Variants in PIP4K2C observed in about 807,000 individuals in gnomAD.
PIP4K2C encodes the protein phosphatidylinositol-5-phosphate 4-kinase type 2 gamma.
In PIP4K2C, 21 loss-of-function variants were observed where a neutral mutation model predicts 45.0. That is an observed-to-expected ratio of 0.47 (90% CI 0.33 to 0.67). The LOEUF is 0.67. Ranked by LOEUF, PIP4K2C falls within the 30% of genes least tolerant of loss-of-function variation. The probability of loss-of-function intolerance (pLI) is 0.02; values close to 1 mark genes in which losing one functional copy is unlikely to be tolerated. For synonymous variants in PIP4K2C, 201 were observed against 204.8 expected (o/e 0.98, Z 0.16); for missense variants, 456 against 542.8 (o/e 0.84, Z 1.59).
At chr12:57,597,126 T>C (rs1213138834) in intron 4 of PIP4K2C, among the ~76,000 whole-genome samples, 1 of 152,180 alleles carries the variant, frequency 6.6e-6, no homozygotes, top group Non-Finnish European at 1.5e-5. Context: ...GTTTGGACTT[T>C]ATCCTGAAGG....
rs772263787 is a variant in PIP4K2C at position 57,601,485 on chromosome 12, CT to C, written c.1186-40del. On this transcript the variant is annotated intron_variant, in intron 9 of 9. Coordinates refer to ENST00000354947, the MANE Select transcript of PIP4K2C (RefSeq NM_024779.5). Reference sequence around the variant, plus strand: ...TGGGTGGGGGTGATGGGGACGGGTGCTAGGGTGGCCTGACATATTGTTCCGT... The same window carrying C: ...TGGGTGGGGGTGATGGGGACGGGTGCAGGGTGGCCTGACATATTGTTCCGT... The C allele has an allele frequency of 7.6e-6, 12 of 1,574,586 alleles. No individual in the cohort carries two copies. The South Asian group carries it at 1.3e-4, about 17-fold the overall frequency.
Position 57,593,719 on chromosome 12 carries a change from C to G in PIP4K2C, c.175-306C>G, listed in dbSNP as rs974835312. Among the ~76,000 whole-genome samples the G allele has an allele frequency of 3.1e-5, 3 of 98,134 alleles. No individual in the cohort carries two copies. The Admixed American group carries it at 4.3e-4, about 14-fold the overall frequency. 64.4% of individuals were successfully genotyped at this position (98,134 alleles called of 152,430 possible). A position where few individuals can be genotyped will look rare whatever the true frequency, so the allele number is the denominator to read the frequency against. ...TTTTTTTTTTTTTTCTAGAATTTCT[C>G]ACAGCTTTAAAAATAGTCCTGAGTT... On this transcript the variant is annotated intron_variant, in intron 1 of 9. Transcript: ENST00000354947.
chr12:57,591,227 C>G lies in PIP4K2C; in HGVS notation c.-63C>G. On this transcript the variant is annotated 5_prime_UTR_variant, in exon 1 of 10. Transcript: ENST00000354947. ...CAGCAGCGCAGGTGAGCGCCGCTTC[C>G]GGGGTCGGGCGCCTGGATAGCTGCC... 1.3e-6 allele frequency: 2 copies of G among 1,529,216 alleles called. No homozygotes were observed. The highest frequency in any genetic ancestry group is 1.8e-6 in the Non-Finnish European group (2 of 1,129,572). The allele number at this position is 1,529,216 out of a possible 1,614,324, so 94.7% of individuals were successfully genotyped here.
rs1565714467 is a variant in PIP4K2C, at chr12:57,599,136, CGAA to C, written c.588_590del (p.Glu196del). ...GGATGTACCGAGTCAGTGTGGACAA[CGAA>C]GACAGCTACATGCTTGTGATGCGCA... is the stretch of plus-strand genomic sequence containing the variant. On this transcript the variant is annotated inframe_deletion, in exon 5 of 10. Transcript: ENST00000354947. 2 of 1,614,144 alleles carry C rather than the reference CGAA, an allele frequency of 1.2e-6. No individual in the cohort carries two copies. Among genetic ancestry groups the C allele is most frequent in the Non-Finnish European group, 1.7e-6 (2 of 1,180,004 alleles).
chr12:57,594,154 A>G, intron 2 of PIP4K2C, 32 bp downstream of exon 2: 8 of 1,534,764 alleles, frequency 5.2e-6, no homozygotes, highest in South Asian at 1.2e-5. Flanking sequence ...TCTCATGTCA[A>G]CCTTCCCAGA....
intron 1 of PIP4K2C, among the ~76,000 whole-genome samples, chr12:57,593,144 C>T (rs1054351557): frequency 6.6e-6 from 1 of 151,996 alleles, no homozygotes; most frequent in Non-Finnish European, 1.5e-5. Context: ...AGAATGAGCC[C>T]TTGTTCTTGA....
At chr12:57,599,296 C>G (rs1350333664) in intron 5 of PIP4K2C, 85 bp downstream of exon 5, 2 of 1,606,102 alleles carry the variant, frequency 1.2e-6, no homozygotes, top group Non-Finnish European at 1.7e-6. Context: ...TGGATGATTC[C>G]TTTTAAGGGA....
chr12:57,601,211 T>G, intron 8 of PIP4K2C, 34 bp from the exon 9 acceptor site: 1 of 1,599,704 alleles, frequency 6.3e-7, no homozygotes, highest in African/African-American at 1.3e-5. Context: ...GAATTGGAAC[T>G]AAACCTACTC....
In PIP4K2C at chr12:57,591,201, A is replaced by G. The variant is rs1414932282; in HGVS notation, c.-89A>G. 5 of 1,342,770 alleles carry G rather than the reference A, an allele frequency of 3.7e-6. No individual in the cohort carries two copies. Among genetic ancestry groups the G allele is most frequent in the Admixed American group, 2.2e-5 (1 of 46,254 alleles). The allele number at this position is 1,342,770 out of a possible 1,614,324, so 83.2% of individuals were successfully genotyped here. Reference sequence around the variant, plus strand: ...CCGCTGTCCGGCCTCCGGTCACGTGACAGCAGCGCAGGTGAGCGCCGCTTC... The same window carrying G: ...CCGCTGTCCGGCCTCCGGTCACGTGGCAGCAGCGCAGGTGAGCGCCGCTTC... On this transcript the variant is annotated 5_prime_UTR_variant, in exon 1 of 10. Coordinates refer to ENST00000354947, the MANE Select transcript of PIP4K2C (RefSeq NM_024779.5).
At position 57,601,815 on chromosome 12, in the gene PIP4K2C, T is replaced by A. The variant is rs1883454783; in HGVS notation, c.*209T>A. On this transcript the variant is annotated 3_prime_UTR_variant, in exon 10 of 10. Coordinates refer to ENST00000354947, the MANE Select transcript of PIP4K2C (RefSeq NM_024779.5). ...CTTTTTCCTCTTTGCCCATTTTTCT[T>A]CCCTCTCTTCCTCCCCATGAGAAGT... The A allele has an allele frequency of 1.7e-6, 1 of 580,630 alleles. No homozygotes were observed. Among genetic ancestry groups the A allele is most frequent in the Non-Finnish European group, 3.1e-6 (1 of 324,902 alleles). The allele number at this position is 580,630 out of a possible 1,614,324, so 36.0% of individuals were successfully genotyped here. A position where few individuals can be genotyped will look rare whatever the true frequency, so the allele number is the denominator to read the frequency against.
rs757397412 is a variant in PIP4K2C at position 57,595,187 on chromosome 12, C to T, written c.334C>T (p.Arg112Cys). 1.6e-5 allele frequency: 26 copies of T among 1,611,982 alleles called. No individual in the cohort carries two copies. Among genetic ancestry groups the T allele is most frequent in the Non-Finnish European group, 2.0e-5 (24 of 1,178,248 alleles). ...EYCPQVFRNL[R>C]DRFGIDDQDY... is the part of the protein sequence containing the mutation. ...TTGTCCCCAGGTCTTCAGGAACCTCCGTGATCGATTTGGCATTGATGACCA... is the reference window on the plus strand; with the variant it reads ...TTGTCCCCAGGTCTTCAGGAACCTCTGTGATCGATTTGGCATTGATGACCA... Residue 112 changes from arginine to cysteine, a missense_variant, in exon 3 of 10, where the codon CGT becomes TGT. Physicochemically the swap from Arg to Cys is radical, Grantham distance 180 (BLOSUM62 -3). Coordinates refer to ENST00000354947, the MANE Select transcript of PIP4K2C (RefSeq NM_024779.5).
rs1298840446 is a variant in PIP4K2C, at chr12:57,602,038, T to A, written c.*432T>A. ...CTGTGTGGGATGAACTAAAAGTGTC[T>A]GAATTTTGCTGATAACTTTATAAAA... On this transcript the variant is annotated 3_prime_UTR_variant, in exon 10 of 10. Transcript: ENST00000354947. The A allele has an allele frequency of 1.1e-5, 2 of 189,848 alleles. No individual in the cohort carries two copies. Among genetic ancestry groups the A allele is most frequent in the African/African-American group, 4.7e-5 (2 of 42,654 alleles). 11.8% of individuals were successfully genotyped at this position (189,848 alleles called of 1,614,324 possible).
chr12:57,599,068 A>G lies in PIP4K2C; in HGVS notation c.517A>G (p.Ile173Val), dbSNP rs1206612534. 1.9e-6 allele frequency: 3 copies of G among 1,613,958 alleles called. No homozygotes were observed. The highest frequency in any genetic ancestry group is 1.1e-5 in the South Asian group (1 of 91,056). The change falls in exon 5 of 10, where the codon ATT becomes GTT. Residue 173 changes from isoleucine to valine, a missense_variant. By Grantham distance (29) the Ile-to-Val change is conservative. Transcript: ENST00000354947. Reference protein sequence around the residue: ...HSNLSNYHQYIVKCHGNTLLP... With the variant: ...HSNLSNYHQYVVKCHGNTLLP... Reference sequence around the variant, plus strand: ...CCTTCCCCCTCTTTCACTGTAGTACATTGTGAAGTGCCATGGCAACACGCT... The same window carrying G: ...CCTTCCCCCTCTTTCACTGTAGTACGTTGTGAAGTGCCATGGCAACACGCT...
chr12:57,594,055 G>A lies in PIP4K2C; in HGVS notation c.205G>A (p.Val69Met), dbSNP rs749532941. 6.2e-7 allele frequency: 1 copy of A among 1,614,004 alleles called. No individual in the cohort carries two copies. Among genetic ancestry groups the A allele is most frequent in the South Asian group, 1.1e-5 (1 of 91,068 alleles). Residue 69 changes from valine to methionine, a missense_variant, in exon 2 of 10, where the codon GTG (valine) becomes ATG (methionine). By Grantham distance (21) the Val-to-Met change is conservative (BLOSUM62 1). Around this residue, in one of 2 missense-constraint regions of PIP4K2C, gnomAD observed 421 missense variants for 473.1 expected, o/e 0.89. Transcript: ENST00000354947. ...INELSQVPPPVMLLPDDFKAS... is the reference protein window; with the variant it reads ...INELSQVPPPMMLLPDDFKAS... Reference sequence around the variant, plus strand: ...TGAGCTCAGCCAGGTGCCTCCCCCGGTGATGCTGCTGCCAGATGACTTTAA... The same window carrying A: ...TGAGCTCAGCCAGGTGCCTCCCCCGATGATGCTGCTGCCAGATGACTTTAA...
intron 4 of PIP4K2C, among the ~76,000 whole-genome samples, chr12:57,597,226 A>G (rs1224367178): frequency 1.3e-5 from 2 of 152,358 alleles, no homozygotes; most frequent in East Asian, 3.9e-4. Context: ...GGGAGGGAAC[A>G]CTGGAAGGGT....
In PIP4K2C at chr12:57,591,304, G is replaced by T. The variant is rs758848462; in HGVS notation, c.15G>T (p.Ser5=). 1 of 1,611,550 alleles carries T rather than the reference G, an allele frequency of 6.2e-7. No homozygotes were observed. The highest frequency in any genetic ancestry group is 8.5e-7 in the Non-Finnish European group (1 of 1,178,538). Residue 5 remains serine, a synonymous_variant, in exon 1 of 10, where the codon TCG becomes TCT. Coordinates refer to ENST00000354947, the MANE Select transcript of PIP4K2C (RefSeq NM_024779.5). Reference sequence around the variant, plus strand: ...CGCGGGAGACTATGGCGTCCTCCTCGGTCCCACCAGCCACGGTATCGGCGG... The same window carrying T: ...CGCGGGAGACTATGGCGTCCTCCTCTGTCCCACCAGCCACGGTATCGGCGG... MASS[S]VPPATVSAAT...
intron 7 of PIP4K2C, 126 bp downstream of exon 7, chr12:57,600,563 T>TG (rs1473903038): frequency 1.2e-6 from 1 of 809,018 alleles, no homozygotes; most frequent in East Asian, 2.5e-5. Flanking sequence ...TCTGCCTATA[T>TG]GGGGGTTTAG....
chr12:57,595,281 T>A, intron 3 of PIP4K2C, 59 bp downstream of exon 3: 2 of 1,062,020 alleles, frequency 1.9e-6, no homozygotes, highest in Non-Finnish European at 2.9e-6. Context: ...AGGAGTACTA[T>A]TTGGGACAGC....
At chr12:57,597,544 G>A (rs1428330472) in intron 4 of PIP4K2C, among the ~76,000 whole-genome samples, 1 of 152,190 alleles carries the variant, frequency 6.6e-6, no homozygotes, top group Non-Finnish European at 1.5e-5. Context: ...AAGAGGATTA[G>A]ACTGGGAGTA....
Sources: gnomAD v4.1 joint callset for allele counts (sites outside exome capture counted in the v4.1 genomes callset) on GRCh38, gnomAD v4.1.1 for gene constraint, gnomAD v4.1.1 regional missense constraint, MANE v1.5 for transcripts, NCBI Gene and HGNC (gene_info 2026-07-23, HGNC 2026-07-21) for gene names.